The following NSD1 variants were observed in gnomAD, a reference collection of about 807,000 sequenced individuals.
NSD1 encodes the protein histone-lysine N-methyltransferase, H3 lysine-36 specific.
In NSD1, 26 loss-of-function variants were observed where a neutral mutation model predicts 242.7. The ratio of observed to expected loss-of-function variants is 0.11; its 90% confidence interval spans 0.08 to 0.15. NSD1 has a LOEUF of 0.15. Among genes scored for constraint, NSD1 ranks in the 10% least tolerant of loss-of-function variants. The probability of loss-of-function intolerance (pLI) is 1.00; values close to 1 mark genes in which losing one functional copy is unlikely to be tolerated. For synonymous variants in NSD1, 1,106 were observed against 1,178.1 expected (o/e 0.94, Z 1.25); for missense variants, 2,495 against 3,272.8 (o/e 0.76, Z 5.80).
chr5:177,158,821 CAAAA>C (rs57206832), intron 2 of NSD1, among the ~76,000 whole-genome samples: 1 of 80,336 alleles, frequency 1.2e-5, no homozygotes. Context: ...GACTTCATCT[CAAAA>C]AAAAAAAAAA....
intron 3 of NSD1, among the ~76,000 whole-genome samples, chr5:177,197,449 T>C (rs763815454): frequency 5.3e-5 from 8 of 152,090 alleles, no homozygotes; most frequent in Admixed American, 4.6e-4. Context: ...GGTGAAACCC[T>C]GTCTCTACTA....
Position 177,269,457 on chromosome 5 carries a change from T to C in NSD1, c.5304-145T>C. The C allele has an allele frequency of 1.3e-6, 1 of 755,454 alleles. No individual in the cohort carries two copies. Among genetic ancestry groups the C allele is most frequent in the Non-Finnish European group, 2.3e-6 (1 of 436,370 alleles). 46.8% of individuals were successfully genotyped at this position (755,454 alleles called of 1,614,324 possible). The stretch of plus-strand genomic sequence containing the variant: ...TCTAGCACATACGACTTGTTTGTGT[T>C]CTAGTTAGGTTGTAAGAATGCCGTA... On this transcript the variant is annotated intron_variant, in intron 15 of 22. Coordinates refer to ENST00000439151, the MANE Select transcript of NSD1 (RefSeq NM_022455.5). This position sits in a 1 kb window ranked among gnomAD's most constrained non-coding sequence, Gnocchi z 5.1.
chr5:177,143,781 A>C lies in NSD1; in HGVS notation c.927+7751A>C, dbSNP rs993203557. 5.6e-5 allele frequency among the ~76,000 whole-genome samples: 8 copies of C among 143,544 alleles called. No homozygotes were observed. In the East Asian group the frequency reaches 1.2e-3, roughly 22 times the overall value. 94.2% of individuals were successfully genotyped at this position (143,544 alleles called of 152,430 possible). ...GGTTGTTAAGTCTATGATACAAGATAACTTTTTTTTTTTTTTTTTTTTTGA... is the reference window on the plus strand; with the variant it reads ...GGTTGTTAAGTCTATGATACAAGATCACTTTTTTTTTTTTTTTTTTTTTGA... On this transcript the variant is annotated intron_variant, in intron 2 of 22. Coordinates refer to ENST00000439151, the MANE Select transcript of NSD1 (RefSeq NM_022455.5).
rs147146776 is a variant in NSD1, at chr5:177,135,175, C to T, written c.72C>T (p.Ala24=). 1.6e-5 allele frequency: 26 copies of T among 1,613,964 alleles called. No homozygotes were observed. The African/African-American group carries it at 2.4e-4, about 15-fold the overall frequency. Residue 24 remains alanine (A), a synonymous_variant, in exon 2 of 23, where the codon GCC becomes GCT. Coordinates refer to ENST00000439151, the MANE Select transcript of NSD1 (RefSeq NM_022455.5). The part of the protein sequence containing the change: ...LPFSNPVNLD[A]PEDKDSPFGN... ...TTTCCAATCCAGTGAATTTAGATGC[C>T]CCTGAAGACAAGGACAGCCCTTTCG...
intron 2 of NSD1, among the ~76,000 whole-genome samples, chr5:177,177,013 T>C (rs1760260325): frequency 6.6e-6 from 1 of 152,222 alleles, no homozygotes; most frequent in Admixed American, 6.6e-5. Flanking sequence ...AAGAACTGAT[T>C]ACAGGTGTCA....
intron 4 of NSD1, among the ~76,000 whole-genome samples, chr5:177,205,048 GT>G (rs1275047352): frequency 6.6e-6 from 1 of 151,824 alleles, no homozygotes; most frequent in Non-Finnish European, 1.5e-5. Flanking sequence ...TTGTTTCTTT[GT>G]TTTTGGAGAC....
intron 5 of NSD1, among the ~76,000 whole-genome samples, chr5:177,221,320 A>G (rs1435082643): frequency 6.7e-6 from 1 of 149,046 alleles, no homozygotes. Flanking sequence ...TTTAATTGAC[A>G]TACTTTGTTT....
intron 13 of NSD1, among the ~76,000 whole-genome samples, chr5:177,259,206 T>C (rs1025461748): frequency 6.6e-6 from 1 of 152,212 alleles, no homozygotes; most frequent in Non-Finnish European, 1.5e-5. Flanking sequence ...CATAGAGGAT[T>C]GAGGAGGTAA....
Position 177,210,079 on chromosome 5 carries a change from G to A in NSD1, c.1680G>A (p.Gly560=). ...ELSRIANSLT[G]SNTAPGSFLF... is the part of the protein sequence containing the mutation. Reference sequence around the variant, plus strand: ...CCAGGATAGCAAATAGCCTCACAGGGTCCAACACTGCCCCAGGAAGTTTTC... The same window carrying A: ...CCAGGATAGCAAATAGCCTCACAGGATCCAACACTGCCCCAGGAAGTTTTC... The change falls in exon 5 of 23, where the codon GGG becomes GGA. Residue 560 remains glycine, a synonymous_variant. Transcript: ENST00000439151. 1 of 1,613,802 alleles carries A rather than the reference G, an allele frequency of 6.2e-7. No homozygotes were observed.
At position 177,298,843 on chromosome 5, in the gene NSD1, TTTACCC is replaced by T. The variant is rs1242030252; in HGVS notation, c.*3388_*3393del. Reference sequence around the variant, plus strand: ...AGGACAGCATGAAACTTGGATAGGTTTTACCCTTAGTCCCTATAAGGTGGATTTTAC... The same window carrying T: ...AGGACAGCATGAAACTTGGATAGGTTTTAGTCCCTATAAGGTGGATTTTAC... On this transcript the variant is annotated 3_prime_UTR_variant, in exon 23 of 23. Transcript: ENST00000439151. 1 of 233,166 alleles carries T rather than the reference TTTACCC, an allele frequency of 4.3e-6. No homozygotes were observed. The highest frequency in any genetic ancestry group is 8.5e-6 in the Non-Finnish European group (1 of 117,984). The allele number at this position is 233,166 out of a possible 1,614,324, so 14.4% of individuals were successfully genotyped here. A position where few individuals can be genotyped will look rare whatever the true frequency, so the allele number is the denominator to read the frequency against.
chr5:177,207,779 G>C lies in NSD1; in HGVS notation c.1237-1857G>C, dbSNP rs577551093. On this transcript the variant is annotated intron_variant, in intron 4 of 22. Transcript: ENST00000439151. The stretch of plus-strand genomic sequence containing the variant: ...AAAATTTGAGACAGGATCGTGCTCT[G>C]TCATCCAGGCTGGAGTGCAGTGGCA... 1.9e-3 allele frequency among the ~76,000 whole-genome samples: 289 copies of C among 151,696 alleles called. 1 individual carries two copies. The highest frequency in any genetic ancestry group is 6.8e-3 in the African/African-American group (279 of 41,312).
chr5:177,152,886 A>G (rs1336102598), intron 2 of NSD1, among the ~76,000 whole-genome samples: 2 of 151,028 alleles, frequency 1.3e-5, no homozygotes, highest in African/African-American at 4.9e-5. Flanking sequence ...GGGTTTCACC[A>G]TGTTGGACAG....
intron 16 of NSD1, among the ~76,000 whole-genome samples, chr5:177,273,312 T>TAA (rs11452158): frequency 0.41 from 37,536 of 90,798 alleles, 9,562 homozygotes; most frequent in Admixed American, 0.51. Flanking sequence ...ACTGATGAGC[T>TAA]AAAAAAAAAA....
chr5:177,179,858 A>T (rs1382376234), intron 2 of NSD1, among the ~76,000 whole-genome samples: 1 of 152,146 alleles, frequency 6.6e-6, no homozygotes, highest in Admixed American at 6.6e-5. Context: ...TGGGCTATTA[A>T]GAAAATTGTT....
chr5:177,278,602 A>G (rs1320438780), intron 17 of NSD1, among the ~76,000 whole-genome samples: 1 of 152,210 alleles, frequency 6.6e-6, no homozygotes, highest in Non-Finnish European at 1.5e-5. Flanking sequence ...AGAATATTTG[A>G]TATGAGAGAA....
intron 3 of NSD1, among the ~76,000 whole-genome samples, chr5:177,197,494 C>T (rs1260190056): frequency 5.3e-5 from 8 of 151,450 alleles, no homozygotes; most frequent in South Asian, 2.1e-4. Context: ...GGGTGGCGGG[C>T]GCCTGTAGTC....
At position 177,133,804 on chromosome 5, in the gene NSD1, G is replaced by T. The variant is rs1479336606; in HGVS notation, c.-166G>T. 2 of 149,114 alleles carry T rather than the reference G, an allele frequency of 1.3e-5. No homozygotes were observed. Among genetic ancestry groups the T allele is most frequent in the African/African-American group, 4.9e-5 (2 of 40,746 alleles). The allele number at this position is 149,114 out of a possible 1,614,324, so 9.2% of individuals were successfully genotyped here. ...GCGGCGGAATAGGCCGGGGCAGGTC[G>T]CGCTCGCTGCCTTCTCCCCTGAAGA... is the stretch of plus-strand genomic sequence containing the variant. On this transcript the variant is annotated 5_prime_UTR_variant, in exon 1 of 23. Coordinates refer to ENST00000439151, the MANE Select transcript of NSD1 (RefSeq NM_022455.5). This position sits in a 1 kb window ranked among gnomAD's most constrained non-coding sequence, Gnocchi z 6.2.
intron 10 of NSD1, among the ~76,000 whole-genome samples, chr5:177,247,179 C>T (rs1766365187): frequency 6.6e-6 from 1 of 152,180 alleles, no homozygotes; most frequent in East Asian, 1.9e-4. Context: ...CCTGTAATCC[C>T]AACACTTTGG....
chr5:177,254,632 T>G (rs1041518984), intron 12 of NSD1, among the ~76,000 whole-genome samples: 36 of 152,132 alleles, frequency 2.4e-4, no homozygotes, highest in African/African-American at 8.7e-4. Flanking sequence ...ACTCCTGGCC[T>G]CAGATGATCC....
Sources: gnomAD v4.1 joint callset for allele counts (sites outside exome capture counted in the v4.1 genomes callset) on GRCh38, gnomAD v4.1.1 for gene constraint, Gnocchi (gnomAD v3.1) non-coding constraint, MANE v1.5 for transcripts, NCBI Gene and HGNC (gene_info 2026-07-23, HGNC 2026-07-21) for gene names.